Variants in MX1 observed in about 807,000 individuals in gnomAD.
The protein encoded by MX1 is MX dynamin like GTPase 1.
MX1 carries 66 observed loss-of-function variants against 66.4 expected under a neutral mutation model. The ratio of observed to expected loss-of-function variants is 0.99; its 90% CI spans 0.82 to 1.22. MX1 has a LOEUF of 1.22. Among genes scored for constraint, MX1 ranks in the 50% most tolerant of loss-of-function variants. The pLI is 0.00. For synonymous variants in MX1, 311 were observed against 318.1 expected (o/e 0.98, Z 0.24); for missense variants, 787 against 834.3 (o/e 0.94, Z 0.70).
At position 41,437,163 on chromosome 21, in the gene MX1, CCT is replaced by C. The variant is rs773259944; in HGVS notation, c.436+12_436+13del. On this transcript the variant is annotated intron_variant, in intron 7 of 16. Transcript: ENST00000398598. ...AGGAAATTAATAAAGGTGAGTACCC[CCT>C]GTTTGGATGCCTGGTCAAGCCTTCT... 3.1e-6 allele frequency: 5 copies of C among 1,613,634 alleles called. No homozygotes were observed. Among genetic ancestry groups the C allele is most frequent in the Non-Finnish European group, 4.2e-6 (5 of 1,179,758 alleles).
At chr21:41,440,676 T>C (rs2090481680) in intron 8 of MX1, among the ~76,000 whole-genome samples, 1 of 152,184 alleles carries the variant, frequency 6.6e-6, no homozygotes, top group Non-Finnish European at 1.5e-5. Context: ...AGCCTATAGC[T>C]CTGCTTCTGC....
At chr21:41,432,021 T>G in intron 4 of MX1, 29 bp from the exon 5 acceptor site, 1 of 1,576,654 alleles carries the variant, frequency 6.3e-7, no homozygotes, top group Non-Finnish European at 8.7e-7. Flanking sequence ...GCTGCTTATC[T>G]GTTCAATAGG....
rs1302208928 is a variant in MX1, at chr21:41,451,173, T to C, written c.1439T>C (p.Val480Ala). 1.2e-6 allele frequency: 2 copies of C among 1,609,090 alleles called. No individual in the cohort carries two copies. Among genetic ancestry groups the C allele is most frequent in the East Asian group, 2.2e-5 (1 of 44,816 alleles). ...VDMLHTVTDM[V>A]RLAFTDVSIK... ...TTTTTCTCTCTTTGATTAGATATGGTCCGGCTTGCTTTCACAGATGTTTCG... is the reference window on the plus strand; with the variant it reads ...TTTTTCTCTCTTTGATTAGATATGGCCCGGCTTGCTTTCACAGATGTTTCG... Residue 480 changes from valine to alanine, a missense_variant, in exon 15 of 17, where the codon GTC becomes GCC. Physicochemically the swap from Val to Ala is moderately conservative, Grantham distance 64 (BLOSUM62 0). Coordinates refer to ENST00000398598, the MANE Select transcript of MX1 (RefSeq NM_002462.5).
rs17000915 is a variant in MX1, at chr21:41,437,118, G to A, written c.402G>A (p.Ser134=). 5,830 of 1,613,916 alleles carry A rather than the reference G, an allele frequency of 3.6e-3. 177 individuals carry two copies. The African/African-American group carries it at 0.063, about 17-fold the overall frequency. ...ACCAGGACTACGAGATTGAGATTTCGGATGCTTCAGAGGTAGAAAAGGAAA... is the reference window on the plus strand; with the variant it reads ...ACCAGGACTACGAGATTGAGATTTCAGATGCTTCAGAGGTAGAAAAGGAAA... ...VSYQDYEIEI[S]DASEVEKEIN... Residue 134 remains serine, a synonymous_variant, in exon 7 of 17, where the codon TCG becomes TCA. Coordinates refer to ENST00000398598, the MANE Select transcript of MX1 (RefSeq NM_002462.5).
At chr21:41,456,553 A>G (rs1445869481) in intron 16 of MX1, among the ~76,000 whole-genome samples, 2 of 152,204 alleles carry the variant, frequency 1.3e-5, no homozygotes, top group Non-Finnish European at 2.9e-5. Context: ...CATGTTACCC[A>G]CATCTACAGA....
chr21:41,454,876 G>T (rs912553171), intron 16 of MX1, among the ~76,000 whole-genome samples: 1 of 151,716 alleles, frequency 6.6e-6, no homozygotes, highest in African/African-American at 2.4e-5. Context: ...GATGCTGATT[G>T]CAGGTCAGGA....
chr21:41,447,102 AT>A (rs1324460909), intron 13 of MX1, among the ~76,000 whole-genome samples: 8 of 152,068 alleles, frequency 5.3e-5, no homozygotes. Flanking sequence ...GTAGAAATTT[AT>A]TTTCTTACAG....
intron 14 of MX1, chr21:41,449,605 G>A (rs917436165): frequency 5.5e-5 from 13 of 236,666 alleles, no homozygotes; most frequent in African/African-American, 2.3e-4. Flanking sequence ...AGGTTCTTGC[G>A]ACCCATTCCT....
At chr21:41,424,226 AGTGTGT>A (rs3037030), upstream of MX1, among the ~76,000 whole-genome samples, 2,978 of 146,194 alleles carry the variant, frequency 0.02, 59 homozygotes, top group East Asian at 0.1. Context: ...AGAGGGGTTG[AGTGTGT>A]GTGTGTGTGT....
intron 2 of MX1, among the ~76,000 whole-genome samples, chr21:41,427,524 T>TA (rs61556667): frequency 0.27 from 40,245 of 151,846 alleles, 6,209 homozygotes; most frequent in East Asian, 0.42. Flanking sequence ...TAAAAGCTTA[T>TA]AAAAAAAGAA....
At chr21:41,422,237 T>C (rs1243185491), upstream of MX1, 1 of 152,278 alleles carries the variant, frequency 6.6e-6, no homozygotes, top group Non-Finnish European at 1.5e-5. Context: ...GAGTGACCTG[T>C]GGTTGTCCTC....
intron 11 of MX1, 60 bp downstream of exon 11, chr21:41,443,926 C>CT: frequency 6.7e-7 from 1 of 1,490,990 alleles, no homozygotes; most frequent in South Asian, 1.1e-5. Flanking sequence ...AGAGCTGAAC[C>CT]TTGCTGGCTT....
intron 11 of MX1, among the ~76,000 whole-genome samples, chr21:41,444,274 A>G (rs469073): frequency 0.53 from 78,099 of 147,084 alleles, 21,057 homozygotes; most frequent in Non-Finnish European, 0.61. Context: ...CTGCCTGAAT[A>G]TAGTGTCTTC....
Position 41,458,773 on chromosome 21 carries a change from G to GCC in MX1, c.*18_*19dup. On this transcript the variant is annotated 3_prime_UTR_variant, in exon 17 of 17. Coordinates refer to ENST00000398598, the MANE Select transcript of MX1 (RefSeq NM_002462.5). The stretch of plus-strand genomic sequence containing the variant: ...TCCCCGGTTAACCACACTCTGTCCA[G>GCC]CCCCGTAGACGTGCACGCACACTGT... 1 of 1,606,314 alleles carries GCC rather than the reference G, an allele frequency of 6.2e-7. No individual in the cohort carries two copies. Among genetic ancestry groups the GCC allele is most frequent in the East Asian group, 2.3e-5 (1 of 44,200 alleles).
Position 41,452,712 on chromosome 21 carries a change from A to G in MX1, c.1601A>G (p.Gln534Arg). 1 of 1,614,230 alleles carries G rather than the reference A, an allele frequency of 6.2e-7. No individual in the cohort carries two copies. The highest frequency in any genetic ancestry group is 8.5e-7 in the Non-Finnish European group (1 of 1,180,032). Residue 534 changes from glutamine to arginine, a missense_variant, in exon 16 of 17, where the codon CAG becomes CGG. Physicochemically the swap from Gln to Arg is conservative, Grantham distance 43. Coordinates refer to ENST00000398598, the MANE Select transcript of MX1 (RefSeq NM_002462.5). The stretch of plus-strand genomic sequence containing the variant: ...CAGATGGAACAGATTGTCTACTGCC[A>G]GGACCAGGTATACAGGGGTGCATTG... ...HFQMEQIVYC[Q>R]DQVYRGALQK...
Position 41,459,009 on chromosome 21 carries a change from T to C in MX1, c.*251T>C. 1.6e-6 allele frequency: 1 copy of C among 622,666 alleles called. No individual in the cohort carries two copies. The highest frequency in any genetic ancestry group is 2.7e-6 in the Non-Finnish European group (1 of 372,832). 38.6% of individuals were successfully genotyped at this position (622,666 alleles called of 1,614,324 possible). On this transcript the variant is annotated 3_prime_UTR_variant, in exon 17 of 17. Coordinates refer to ENST00000398598, the MANE Select transcript of MX1 (RefSeq NM_002462.5). ...GCTGTCTTCGTACTGGGAAAGGGAT[T>C]TTCAGCCCTCAGAATCGCTCCACCT...
chr21:41,455,292 G>A (rs776747749), intron 16 of MX1, among the ~76,000 whole-genome samples: 1 of 152,196 alleles, frequency 6.6e-6, no homozygotes, highest in African/African-American at 2.4e-5. Flanking sequence ...TAAACCGAGG[G>A]TCAACATCCA....
intron 13 of MX1, among the ~76,000 whole-genome samples, chr21:41,446,350 C>G (rs781374416): frequency 2.6e-5 from 4 of 152,198 alleles, no homozygotes; most frequent in Non-Finnish European, 5.9e-5. Flanking sequence ...AAGGGACGAA[C>G]AAGCTTCCTC....
upstream of MX1, chr21:41,422,658 AAG>A (rs2146013736): frequency 6.6e-6 from 1 of 152,312 alleles, no homozygotes; most frequent in Admixed American, 6.5e-5. Flanking sequence ...GGAAAAAAAA[AAG>A]AGTAACTGCT....
Sources: allele counts gnomAD v4.1 joint callset (sites outside exome capture counted in the v4.1 genomes callset), GRCh38; gene constraint gnomAD v4.1.1; transcripts MANE v1.5; gene names NCBI Gene and HGNC (gene_info 2026-07-23, HGNC 2026-07-21).